The following TNKS variants were observed in gnomAD, a reference collection of about 807,000 sequenced individuals.
TNKS encodes the protein poly [ADP-ribose] polymerase tankyrase-1.
TNKS carries 72 observed loss-of-function variants against 135.8 expected under a neutral mutation model. That is an observed-to-expected ratio of 0.53 (90% CI 0.44 to 0.64). The LOEUF (loss-of-function observed/expected upper bound fraction) is 0.64, where lower values mean the gene tolerates loss of function less well. Ranked by LOEUF, TNKS falls within the 30% of genes least tolerant of loss-of-function variation. The pLI is 0.00. For synonymous variants in TNKS, 849 were observed against 649.3 expected (o/e 1.31, Z -4.68); for missense variants, 1,769 against 1,674.0 (o/e 1.06, Z -0.99).
At chr8:9,735,184 T>C (rs528803899) in intron 16 of TNKS, 100 bp downstream of exon 16, 1 of 1,240,594 alleles carries the variant, frequency 8.1e-7, no homozygotes, top group African/African-American at 1.5e-5. Flanking sequence ...ATGGGACTAC[T>C]TAGTAAAATG....
chr8:9,683,008 TTAGA>T (rs1802847596), intron 5 of TNKS, among the ~76,000 whole-genome samples: 1 of 151,958 alleles, frequency 6.6e-6, no homozygotes, highest in Admixed American at 6.6e-5. Context: ...TCAAATTAAA[TTAGA>T]TAGAAAAAAT....
intron 6 of TNKS, among the ~76,000 whole-genome samples, chr8:9,705,120 C>G (rs1803986572): frequency 1.3e-5 from 2 of 152,082 alleles, no homozygotes; most frequent in Admixed American, 1.3e-4. Flanking sequence ...AAGGATCATC[C>G]TTTATTGATA....
intron 14 of TNKS, among the ~76,000 whole-genome samples, chr8:9,733,003 A>G (rs936429226): frequency 1.3e-5 from 2 of 152,216 alleles, no homozygotes; most frequent in East Asian, 1.9e-4. Flanking sequence ...TACAATTTTC[A>G]TTAGCGAAAC....
intron 3 of TNKS, among the ~76,000 whole-genome samples, chr8:9,629,912 G>C (rs951298627): frequency 2.6e-4 from 40 of 152,242 alleles, no homozygotes; most frequent in Admixed American, 8.5e-4. Context: ...TCGATCTCCT[G>C]ACCTTGTGAT....
intron 2 of TNKS, 64 bp from the exon 3 acceptor site, chr8:9,615,518 C>T (rs1799608408): frequency 3.7e-6 from 5 of 1,355,256 alleles, no homozygotes; most frequent in South Asian, 1.3e-5. Flanking sequence ...GCCGAGACGA[C>T]ACTTACCAGT....
At chr8:9,659,864 A>G (rs1347250686) in intron 3 of TNKS, among the ~76,000 whole-genome samples, 1 of 152,232 alleles carries the variant, frequency 6.6e-6, no homozygotes, top group Non-Finnish European at 1.5e-5. Flanking sequence ...AAGAAAAGAG[A>G]GACGAATCAA....
In TNKS at chr8:9,751,731, C is replaced by T; in HGVS notation, c.2955C>T (p.Cys985=). ...SLISPASTPS[C]LSAASSIDNL... ...TCTCACCAGCATCCACCCCCTCCTG[C>T]CTCTCGGCTGCCAGCAGCATAGACA... Residue 985 remains cysteine, a synonymous_variant, in exon 19 of 27, where the codon TGC becomes TGT. Coordinates refer to ENST00000310430, the MANE Select transcript of TNKS (RefSeq NM_003747.3). 4 of 1,614,210 alleles carry T rather than the reference C, an allele frequency of 2.5e-6. 1 individual carries two copies. The highest frequency in any genetic ancestry group is 8.5e-7 in the Non-Finnish European group (1 of 1,180,034).
intron 3 of TNKS, among the ~76,000 whole-genome samples, chr8:9,632,027 T>G (rs1320447598): frequency 6.6e-6 from 1 of 152,174 alleles, no homozygotes; most frequent in East Asian, 1.9e-4. Flanking sequence ...GCAGTTTTAT[T>G]TGTTATTGTT....
intron 20 of TNKS, among the ~76,000 whole-genome samples, chr8:9,758,583 A>G (rs1319346569): frequency 1.3e-5 from 2 of 152,196 alleles, no homozygotes; most frequent in African/African-American, 2.4e-5. Flanking sequence ...TCAACAATCT[A>G]AGCATGGCTT....
At chr8:9,669,144 C>T (rs1159561751) in intron 3 of TNKS, among the ~76,000 whole-genome samples, 2 of 151,980 alleles carry the variant, frequency 1.3e-5, no homozygotes, top group African/African-American at 4.8e-5. Context: ...AAGGGCCGGG[C>T]GCGGTGGCTC....
At chr8:9,683,178 C>G (rs1305540858) in intron 5 of TNKS, among the ~76,000 whole-genome samples, 3 of 151,908 alleles carry the variant, frequency 2.0e-5, no homozygotes, top group Non-Finnish European at 4.4e-5. Flanking sequence ...TGCAGTAAAG[C>G]CACAGGGTGT....
intron 11 of TNKS, among the ~76,000 whole-genome samples, chr8:9,714,487 A>C (rs143775798): frequency 1.3e-5 from 2 of 152,254 alleles, no homozygotes; most frequent in African/African-American, 2.4e-5. Flanking sequence ...TAATTATCTA[A>C]ATTTTATAAG....
intron 2 of TNKS, among the ~76,000 whole-genome samples, chr8:9,598,126 A>G (rs1798863606): frequency 6.6e-6 from 1 of 152,158 alleles, no homozygotes; most frequent in Non-Finnish European, 1.5e-5. Context: ...TTTATGATAT[A>G]CTTTCTCCTC....
At chr8:9,672,654 TAAAAAA>T (rs746763150) in intron 3 of TNKS, among the ~76,000 whole-genome samples, 9 of 42,830 alleles carry the variant, frequency 2.1e-4, no homozygotes, top group Admixed American at 6.2e-4. Flanking sequence ...ACTGTGATGG[TAAAAAA>T]AAAAAAAAAA....
At chr8:9,591,841 A>G (rs6984737) in intron 2 of TNKS, among the ~76,000 whole-genome samples, 11,576 of 152,224 alleles carry the variant, frequency 0.076, 483 homozygotes, top group South Asian at 0.17. Context: ...CTGCTTGACA[A>G]TTATTCTTAG....
chr8:9,778,420 T>C lies in TNKS; in HGVS notation c.*1684T>C, dbSNP rs1047662486. 1 of 152,616 alleles carries C rather than the reference T, an allele frequency of 6.6e-6. No homozygotes were observed. Among genetic ancestry groups the C allele is most frequent in the African/African-American group, 2.4e-5 (1 of 41,454 alleles). The allele number at this position is 152,616 out of a possible 1,614,324, so 9.5% of individuals were successfully genotyped here. The stretch of plus-strand genomic sequence containing the variant: ...ATAAAATGGTTACATGCAAAACTTC[T>C]AGAAATAGACTCTTAAAATATATAC... On this transcript the variant is annotated 3_prime_UTR_variant, in exon 27 of 27. Transcript: ENST00000310430.
chr8:9,578,590 A>G (rs995331883), intron 1 of TNKS, among the ~76,000 whole-genome samples: 32 of 152,238 alleles, frequency 2.1e-4, no homozygotes, highest in African/African-American at 4.8e-5. Context: ...CTTTTCTGGA[A>G]TGAATGAATT....
intron 2 of TNKS, among the ~76,000 whole-genome samples, chr8:9,608,930 A>C (rs1238472795): frequency 6.6e-6 from 1 of 152,164 alleles, no homozygotes; most frequent in Non-Finnish European, 1.5e-5. Context: ...CCAATTTCAT[A>C]ATCGGTTATG....
intron 17 of TNKS, among the ~76,000 whole-genome samples, chr8:9,735,985 A>G (rs1162585302): frequency 1.3e-5 from 2 of 151,728 alleles, no homozygotes; most frequent in African/African-American, 4.8e-5. Context: ...CTTTTGGCCA[A>G]CAGTCATGCT....
Sources: allele counts gnomAD v4.1 joint callset (sites outside exome capture counted in the v4.1 genomes callset), GRCh38; gene constraint gnomAD v4.1.1; transcripts MANE v1.5; gene names NCBI Gene and HGNC (gene_info 2026-07-23, HGNC 2026-07-21).